CDIN1: variants seen among roughly 807,000 people sequenced by gnomAD.
CDIN1 encodes CDAN1 interacting nuclease 1.
A neutral mutation model predicts 45.3 loss-of-function variants in CDIN1; 33 were observed. The ratio of observed to expected loss-of-function variants is 0.73; its 90% CI spans 0.55 to 0.97. The LOEUF (loss-of-function observed/expected upper bound fraction) is 0.97. Among genes scored for constraint, CDIN1 ranks in the 50% least tolerant of loss-of-function variants. CDIN1 has a pLI of 0.00. For synonymous variants in CDIN1, 118 were observed against 124.4 expected, an observed-to-expected ratio of 0.95 and a Z score of 0.34; for missense variants, 303 against 339.4, an observed-to-expected ratio of 0.89 and a Z score of 0.84.
chr15:36,644,417 A>G (rs1595411544), intron 2 of CDIN1, 94 bp downstream of exon 2: 2 of 1,357,630 alleles, frequency 1.5e-6, no homozygotes, highest in South Asian at 2.5e-5. Flanking sequence ...CAGCTCTCTG[A>G]TTGGGTTGGA....
chr15:36,624,210 C>A (rs931789524), intron 1 of CDIN1, among the ~76,000 whole-genome samples: 1 of 152,168 alleles, frequency 6.6e-6, no homozygotes, highest in African/African-American at 2.4e-5. Flanking sequence ...CTCTGCTCAT[C>A]CTCTGGTTTC....
intron 1 of CDIN1, chr15:36,594,894 A>G (rs1366602209): frequency 2.0e-6 from 2 of 985,542 alleles, no homozygotes; most frequent in African/African-American, 3.5e-5. Flanking sequence ...CATTTCCTCA[A>G]AGCTCAGCTT....
chr15:36,614,287 A>T (rs143957016), intron 1 of CDIN1: 18 of 586,526 alleles, frequency 3.1e-5, no homozygotes, highest in Non-Finnish European at 5.6e-5. Context: ...CCTTTAACTG[A>T]GGGCCGATCT....
rs2040266072 is a variant in CDIN1 at position 36,645,242 on chromosome 15, A to G, written c.167A>G (p.His56Arg). ...QEYQKHIKRTHAKHHTSEAIE... is the reference protein window; with the variant it reads ...QEYQKHIKRTRAKHHTSEAIE... Reference sequence around the variant, plus strand: ...TTTCAGAAACACATTAAAAGAACACATGCCAAACATCATACTTCGGAAGCA... The same window carrying G: ...TTTCAGAAACACATTAAAAGAACACGTGCCAAACATCATACTTCGGAAGCA... The change falls in exon 3 of 11, where the codon CAT (histidine) becomes CGT (arginine). Residue 56 changes from histidine (H) to arginine (R), a missense_variant. Physicochemically the swap from His to Arg is conservative, Grantham distance 29. Transcript: ENST00000566621. The G allele has an allele frequency of 6.4e-7, 1 of 1,553,000 alleles. No individual in the cohort carries two copies. Among genetic ancestry groups the G allele is most frequent in the Non-Finnish European group, 8.7e-7 (1 of 1,147,416 alleles).
chr15:36,803,376 G>T (rs1010159097), intron 10 of CDIN1, among the ~76,000 whole-genome samples: 2 of 151,764 alleles, frequency 1.3e-5, no homozygotes, highest in Non-Finnish European at 2.9e-5. Context: ...GCAGTCCCGC[G>T]AACCTAGGTT....
At chr15:36,620,784 T>TA (rs1264765307) in intron 1 of CDIN1, among the ~76,000 whole-genome samples, 3 of 144,784 alleles carry the variant, frequency 2.1e-5, no homozygotes, top group African/African-American at 8.0e-5. Context: ...AATATTATTT[T>TA]TTTTTTAAAG....
intron 10 of CDIN1, among the ~76,000 whole-genome samples, chr15:36,712,311 GGTGGA>G (rs1461835063): frequency 1.5e-5 from 2 of 136,440 alleles, no homozygotes; most frequent in Non-Finnish European, 3.0e-5. Context: ...TGTCATCCAG[GGTGGA>G]GTGCAGTAGT....
chr15:36,665,654 C>A (rs1275114095), intron 5 of CDIN1, among the ~76,000 whole-genome samples: 1 of 147,804 alleles, frequency 6.8e-6, no homozygotes, highest in African/African-American at 2.5e-5. Context: ...GGATTGATGA[C>A]CTATGTTGCT....
At chr15:36,735,442 A>G (rs2043982640) in intron 10 of CDIN1, among the ~76,000 whole-genome samples, 1 of 152,080 alleles carries the variant, frequency 6.6e-6, no homozygotes, top group Non-Finnish European at 1.5e-5. Flanking sequence ...CTATCATATC[A>G]GTTATTTTAA....
chr15:36,714,103 T>A (rs1423734523), intron 10 of CDIN1, among the ~76,000 whole-genome samples: 6 of 152,162 alleles, frequency 3.9e-5, no homozygotes, highest in Admixed American at 3.9e-4. Flanking sequence ...ACAATCAAAT[T>A]TTTTTCTTTG....
intron 10 of CDIN1, among the ~76,000 whole-genome samples, chr15:36,805,739 C>T (rs1566988618): frequency 6.6e-6 from 1 of 152,088 alleles, no homozygotes; most frequent in East Asian, 1.9e-4. Flanking sequence ...AAGATTATCT[C>T]GTCAGCATCT....
chr15:36,639,033 C>G (rs1429709762), intron 1 of CDIN1, among the ~76,000 whole-genome samples: 2 of 152,116 alleles, frequency 1.3e-5, no homozygotes, highest in African/African-American at 2.4e-5. Flanking sequence ...CTTCATTTCC[C>G]CATCTCTAAA....
At chr15:36,583,907 T>G (rs753082746) in intron 1 of CDIN1, among the ~76,000 whole-genome samples, 5 of 152,006 alleles carry the variant, frequency 3.3e-5, no homozygotes, top group Non-Finnish European at 5.9e-5. Context: ...TCCCAGCTAC[T>G]CAGGAGACTG....
At chr15:36,712,804 T>C (rs1884507301) in intron 10 of CDIN1, among the ~76,000 whole-genome samples, 1 of 152,146 alleles carries the variant, frequency 6.6e-6, no homozygotes, top group Non-Finnish European at 1.5e-5. Context: ...GACCCAGTTA[T>C]GAACCTTGGT....
At chr15:36,624,774 A>G (rs1446754940) in intron 1 of CDIN1, among the ~76,000 whole-genome samples, 1 of 152,162 alleles carries the variant, frequency 6.6e-6, no homozygotes, top group Non-Finnish European at 1.5e-5. Context: ...ATTTTAATAT[A>G]ACTGAGAATT....
intron 10 of CDIN1, among the ~76,000 whole-genome samples, chr15:36,730,290 C>G (rs2043791437): frequency 1.3e-5 from 2 of 152,136 alleles, no homozygotes; most frequent in African/African-American, 4.8e-5. Context: ...TGTTCCTACA[C>G]TATTAATAGA....
chr15:36,805,286 G>T (rs57488149), intron 10 of CDIN1, among the ~76,000 whole-genome samples: 1 of 152,130 alleles, frequency 6.6e-6, no homozygotes, highest in African/African-American at 2.4e-5. Context: ...AATCAATTCA[G>T]ATGTCCGTGG....
intron 10 of CDIN1, among the ~76,000 whole-genome samples, chr15:36,711,364 C>T (rs969034861): frequency 2.0e-5 from 3 of 152,148 alleles, no homozygotes; most frequent in South Asian, 4.1e-4. Flanking sequence ...ATCCCAAATA[C>T]TAGAGCTTAC....
chr15:36,596,013 C>T (rs188078333), intron 1 of CDIN1, among the ~76,000 whole-genome samples: 6 of 152,236 alleles, frequency 3.9e-5, no homozygotes, highest in East Asian at 3.9e-4. Context: ...TTCCATACTC[C>T]GAGCACTGCT....
Sources: gnomAD v4.1 joint callset for allele counts (sites outside exome capture counted in the v4.1 genomes callset) on GRCh38, gnomAD v4.1.1 for gene constraint, MANE v1.5 for transcripts, NCBI Gene and HGNC (gene_info 2026-07-23, HGNC 2026-07-21) for gene names.